Variants in AHRR observed in about 807,000 individuals in gnomAD.
The protein encoded by AHRR is aryl hydrocarbon receptor repressor, also known as ahR repressor.
AHRR carries 28 observed loss-of-function variants against 44.0 expected under a neutral mutation model. The observed-to-expected ratio is 0.64, with a 90% confidence interval of 0.47 to 0.87. AHRR has a LOEUF of 0.87. AHRR is among the 40% of genes least tolerant of loss of function. The pLI is 0.00. For synonymous variants in AHRR, 434 were observed against 407.0 expected (o/e 1.07, Z -0.80); for missense variants, 990 against 953.9 (o/e 1.04, Z -0.50).
At chr5:351,038 CA>C (rs1421004452) in intron 2 of AHRR, among the ~76,000 whole-genome samples, 4 of 151,670 alleles carry the variant, frequency 2.6e-5, no homozygotes, top group African/African-American at 9.7e-5. Flanking sequence ...AAATGCAAAT[CA>C]AAACCGTAAC....
chr5:373,423 A>G (rs6894195), intron 3 of AHRR, among the ~76,000 whole-genome samples: 13,840 of 152,164 alleles, frequency 0.091, 880 homozygotes, highest in Non-Finnish European at 0.12. Flanking sequence ...GCGGTCTTGG[A>G]GGCACAGAGC....
chr5:375,558 C>T (rs184195266), intron 3 of AHRR, among the ~76,000 whole-genome samples: 7 of 152,338 alleles, frequency 4.6e-5, no homozygotes, highest in African/African-American at 1.4e-4. Context: ...AGGTGCCATG[C>T]GTGATGACAG....
chr5:336,661 C>CT (rs1742139470), intron 1 of AHRR, among the ~76,000 whole-genome samples: 1 of 111,184 alleles, frequency 9.0e-6, no homozygotes, highest in African/African-American at 8.0e-5. Flanking sequence ...TCCAATTTAT[C>CT]AATTTTTTTC....
chr5:402,001 A>T (rs568624226), intron 4 of AHRR, among the ~76,000 whole-genome samples: 48 of 152,334 alleles, frequency 3.2e-4, no homozygotes, highest in African/African-American at 1.1e-3. Flanking sequence ...AACCGTCAAC[A>T]CAATGAAGAG....
intron 5 of AHRR, among the ~76,000 whole-genome samples, chr5:413,671 C>G (rs1297191870): frequency 6.6e-6 from 1 of 152,212 alleles, no homozygotes; most frequent in Non-Finnish European, 1.5e-5. Flanking sequence ...TCTAAGGCAG[C>G]CGTGGCGTGC....
At position 342,986 on chromosome 5, in the gene AHRR, G is replaced by A. The variant is rs1245320622; in HGVS notation, c.-10-907G>A. On this transcript the variant is annotated intron_variant, in intron 1 of 10. Transcript: ENST00000684583. The surrounding 1 kb of genome is among the most constrained non-coding windows in gnomAD (Gnocchi z 4.3). ...TTAAGTGGAATCCCAGGACTGTAGAGTGGAGTAGAATTTTACATAGAAAAG... is the reference window on the plus strand; with the variant it reads ...TTAAGTGGAATCCCAGGACTGTAGAATGGAGTAGAATTTTACATAGAAAAG... Among the ~76,000 whole-genome samples, 4 of 152,228 alleles carry A rather than the reference G, an allele frequency of 2.6e-5. No individual in the cohort carries two copies. The highest frequency in any genetic ancestry group is 9.6e-5 in the African/African-American group (4 of 41,452).
rs949981507 is a variant in AHRR at position 387,179 on chromosome 5, T to C, written c.351+10463T>C. 6.6e-6 allele frequency among the ~76,000 whole-genome samples: 1 copy of C among 152,228 alleles called. No homozygotes were observed. Among genetic ancestry groups the C allele is most frequent in the African/African-American group, 2.4e-5 (1 of 41,454 alleles). ...CTCTGGTGTGTTCCACACCTGCAGCTTGGGATGAGCCAGGACACGTGTCAG... is the reference window on the plus strand; with the variant it reads ...CTCTGGTGTGTTCCACACCTGCAGCCTGGGATGAGCCAGGACACGTGTCAG... On this transcript the variant is annotated intron_variant, in intron 4 of 10. Coordinates refer to ENST00000684583, the MANE Select transcript of AHRR (RefSeq NM_001377236.1). The surrounding 1 kb of genome is among the most constrained non-coding windows in gnomAD (Gnocchi z 5.1).
In AHRR at chr5:422,842, C is replaced by T. The variant is rs1298672542; in HGVS notation, c.555C>T (p.Pro185=). The change falls in exon 6 of 11, where the codon CCC becomes CCT. Residue 185 remains proline, a synonymous_variant. Coordinates refer to ENST00000684583, the MANE Select transcript of AHRR (RefSeq NM_001377236.1). ...MDPPQVVFGQ[P]PPLETGDDAI... ...CTCCCCAGGTGGTGTTTGGGCAGCC[C>T]CCGCCCTTGGAGACAGGTGGGTGTC... 9 of 1,612,454 alleles carry T rather than the reference C, an allele frequency of 5.6e-6. No individual in the cohort carries two copies. The highest frequency in any genetic ancestry group is 1.1e-5 in the South Asian group (1 of 90,934).
intron 2 of AHRR, among the ~76,000 whole-genome samples, chr5:351,511 C>T (rs967220020): frequency 2.0e-5 from 3 of 152,156 alleles, no homozygotes; most frequent in African/African-American, 4.8e-5. Flanking sequence ...CAGAAGGCCA[C>T]GTCTTGATTC....
At chr5:376,112 C>CCCCTGGGGGCGT (rs1733623633) in intron 3 of AHRR, among the ~76,000 whole-genome samples, 1 of 108,516 alleles carries the variant, frequency 9.2e-6, no homozygotes, top group African/African-American at 6.1e-5. Context: ...TGCGGGTGTG[C>CCCCTGGGGGCGT]AGGGCACAGA....
chr5:370,803 G>A lies in AHRR; in HGVS notation c.245-5807G>A, dbSNP rs987909781. ...GGGCACGTTCCCATCATGCTTGTCC[G>A]ACCTCCCTGGGTGGCTGGAGGAGGA... On this transcript the variant is annotated intron_variant, in intron 3 of 10. Coordinates refer to ENST00000684583, the MANE Select transcript of AHRR (RefSeq NM_001377236.1). This position sits in a 1 kb window ranked among gnomAD's most constrained non-coding sequence, Gnocchi z 4.5. Among the ~76,000 whole-genome samples the A allele has an allele frequency of 3.3e-5, 5 of 152,222 alleles. No individual in the cohort carries two copies. The East Asian group carries it at 9.7e-4, about 30-fold the overall frequency.
rs374036217 is a variant in AHRR, at chr5:421,703, CACAG to C, written c.442-1020_442-1017del. On this transcript the variant is annotated intron_variant, in intron 5 of 10. Coordinates refer to ENST00000684583, the MANE Select transcript of AHRR (RefSeq NM_001377236.1). ...CATTCACAGAAGGGAACTGCGGAGG[CACAG>C]ACAGAGTCCAGCCCCTTTAGTGAGG... is the stretch of plus-strand genomic sequence containing the variant. 4.0e-3 allele frequency among the ~76,000 whole-genome samples: 603 copies of C among 152,330 alleles called. 4 individuals carry two copies. The highest frequency in any genetic ancestry group is 0.034 in the Middle Eastern group (10 of 294).
chr5:416,188 T>G (rs1415565686), intron 5 of AHRR, among the ~76,000 whole-genome samples: 1 of 152,226 alleles, frequency 6.6e-6, no homozygotes, highest in Non-Finnish European at 1.5e-5. Context: ...GGGAACACCG[T>G]GCAGTGGACA....
chr5:402,637 C>T (rs538847368), intron 4 of AHRR, among the ~76,000 whole-genome samples: 167 of 152,040 alleles, frequency 1.1e-3, no homozygotes, highest in South Asian at 1.9e-3. Flanking sequence ...AAATGGAAAA[C>T]GGAACTTCCA....
intron 3 of AHRR, 59 bp from the exon 4 acceptor site, chr5:376,551 A>AGAACCGTGGGGCGAACGCGGGGAAACAC: frequency 7.1e-7 from 1 of 1,401,306 alleles, no homozygotes; most frequent in Non-Finnish European, 9.6e-7. Flanking sequence ...GATGTGAATG[A>AGAACCGTGGGGCGAACGCGGGGAAACAC]AGAAGAGTGG....
chr5:379,484 T>C (rs1027257769), intron 4 of AHRR, among the ~76,000 whole-genome samples: 1 of 152,242 alleles, frequency 6.6e-6, no homozygotes, highest in Admixed American at 6.5e-5. Context: ...AATGAGTGTT[T>C]CAGTTGCTCA....
At chr5:423,116 C>G (rs1233535640) in intron 6 of AHRR, among the ~76,000 whole-genome samples, 3 of 152,184 alleles carry the variant, frequency 2.0e-5, no homozygotes, top group African/African-American at 7.2e-5. Context: ...CTTGAGGTCA[C>G]CGCCATTCTT....
At chr5:367,909 C>T (rs1356190381) in intron 3 of AHRR, 1 of 702,450 alleles carries the variant, frequency 1.4e-6, no homozygotes, top group Non-Finnish European at 2.6e-6. Flanking sequence ...CACCCAGGCC[C>T]TGAGACGTAC....
intron 2 of AHRR, among the ~76,000 whole-genome samples, chr5:345,564 A>ATGTGTGGG (rs1181684593): frequency 1.3e-5 from 1 of 77,624 alleles, no homozygotes; most frequent in African/African-American, 5.3e-5. Flanking sequence ...GTGTGTGGGG[A>ATGTGTGGG]TGTGTGGGTG....
Sources: allele counts gnomAD v4.1 joint callset (sites outside exome capture counted in the v4.1 genomes callset), GRCh38; gene constraint gnomAD v4.1.1; non-coding constraint Gnocchi (gnomAD v3.1); transcripts MANE v1.5; gene names NCBI Gene and HGNC (gene_info 2026-07-23, HGNC 2026-07-21).